The following PZP variants were observed in gnomAD, a reference collection of about 807,000 sequenced individuals.
PZP encodes the protein PZP alpha-2-macroglobulin like.
In PZP, 150 loss-of-function variants were observed where a neutral mutation model predicts 179.8. The ratio of observed to expected loss-of-function variants is 0.83; its 90% CI spans 0.73 to 0.96. PZP has a LOEUF of 0.96. Among genes scored for constraint, PZP ranks in the 40% least tolerant of loss-of-function variants. PZP has a pLI of 0.00. For synonymous variants in PZP, 624 were observed against 652.3 expected, an observed-to-expected ratio of 0.96 and a Z score of 0.66; for missense variants, 1,689 against 1,764.0, an observed-to-expected ratio of 0.96 and a Z score of 0.76.
chr12:9,168,073 A>G (rs1193398160), intron 17 of PZP, among the ~76,000 whole-genome samples: 3 of 152,264 alleles, frequency 2.0e-5, no homozygotes, highest in Non-Finnish European at 4.4e-5. Flanking sequence ...GCCAAGGAAC[A>G]TAGAAAATGC....
the PZP span, among the ~76,000 whole-genome samples, chr12:9,143,047 G>A: frequency 6.6e-6 from 1 of 152,184 alleles, no homozygotes; most frequent in Non-Finnish European, 1.5e-5. Flanking sequence ...AAAGGCCTTT[G>A]AATATACTCA....
chr12:9,154,511 T>C, intron 29 of PZP, 105 bp downstream of exon 29: 1 of 1,105,292 alleles, frequency 9.0e-7, no homozygotes, highest in Non-Finnish European at 1.3e-6. Flanking sequence ...AAATACTTCT[T>C]CAATGATTTA....
Position 9,153,299 on chromosome 12 carries a change from G to A in PZP, c.3819C>T (p.Ala1273=), listed in dbSNP as rs747904705. 6.2e-7 allele frequency: 1 copy of A among 1,614,144 alleles called. No homozygotes were observed. The highest frequency in any genetic ancestry group is 8.5e-7 in the Non-Finnish European group (1 of 1,180,016). The change falls in exon 30 of 36, where the codon GCC becomes GCT. Residue 1273 remains alanine, a synonymous_variant. Transcript: ENST00000261336. ...CAGTTTTCTCAGTTCTGGTGAAAGT[G>A]GCTGCTCCATACCTGGACAGGGCAT... ...ALHALSRYGA[A]TFTRTEKTAQ... is the part of the protein sequence containing the mutation.
rs769687240 is a variant in PZP at position 9,196,345 on chromosome 12, G to A, written c.1077C>T (p.Ile359=). 8 of 1,609,886 alleles carry A rather than the reference G, an allele frequency of 5.0e-6. No homozygotes were observed. The South Asian group carries it at 7.7e-5, about 15-fold the overall frequency. Residue 359 remains isoleucine (I), a synonymous_variant, in exon 10 of 36, where the codon ATC becomes ATT. Transcript: ENST00000261336. ...CATATCTTACCTGTGCAAAAAAGGG[G>A]ATTCCTTGTCTAAAGTGTGAATCCA... ...VKVDSHFRQG[I]PFFAQVLLVD...
intron 11 of PZP, among the ~76,000 whole-genome samples, chr12:9,193,383 TA>T (rs1191674021): frequency 1.3e-5 from 2 of 152,162 alleles, no homozygotes; most frequent in African/African-American, 4.8e-5. Flanking sequence ...AGTTCCTATT[TA>T]AAAAAACCTT....
intron 13 of PZP, among the ~76,000 whole-genome samples, chr12:9,188,604 G>A (rs1040847202): frequency 2.6e-5 from 4 of 152,180 alleles, no homozygotes; most frequent in Admixed American, 2.6e-4. Flanking sequence ...CAGACGACAT[G>A]ATTTTATATC....
At chr12:9,189,938 T>C (rs924446941) in intron 13 of PZP, among the ~76,000 whole-genome samples, 1 of 152,020 alleles carries the variant, frequency 6.6e-6, no homozygotes, top group East Asian at 1.9e-4. Flanking sequence ...AAAACCACAA[T>C]GAGATTATCA....
intron 15 of PZP, among the ~76,000 whole-genome samples, chr12:9,179,925 A>G (rs1208186494): frequency 6.6e-6 from 1 of 152,222 alleles, no homozygotes; most frequent in Non-Finnish European, 1.5e-5. Flanking sequence ...TCAAAATCAC[A>G]TCTCAGCTTG....
chr12:9,207,942 A>G (rs893694640), intron 1 of PZP, among the ~76,000 whole-genome samples: 2 of 152,208 alleles, frequency 1.3e-5, no homozygotes, highest in Admixed American at 6.5e-5. Flanking sequence ...GCACTTCACT[A>G]TATATTTCGA....
chr12:9,185,276 C>T (rs767744348), intron 13 of PZP, among the ~76,000 whole-genome samples: 2 of 152,136 alleles, frequency 1.3e-5, no homozygotes, highest in Non-Finnish European at 2.9e-5. Context: ...ACAAGAATTT[C>T]GTAATGCAAT....
In PZP at chr12:9,152,822, A is replaced by G. The variant is rs1400068512; in HGVS notation, c.4121+2T>C. The G allele has an allele frequency of 2.5e-6, 4 of 1,613,918 alleles. No homozygotes were observed. Among genetic ancestry groups the G allele is most frequent in the Admixed American group, 1.7e-5 (1 of 59,990 alleles). On this transcript the variant is annotated splice_donor_variant, in intron 31 of 35. Coordinates refer to ENST00000261336, the MANE Select transcript of PZP (RefSeq NM_002864.3). LOFTEE classifies it high-confidence loss of function. ...ATAGGTGATTAGGTTAGAACGTCTT[A>G]CCTGATGGTCAGTGAGATCTGAAAG...
chr12:9,205,918 C>T (rs760906745), intron 1 of PZP, among the ~76,000 whole-genome samples: 13 of 152,116 alleles, frequency 8.5e-5, no homozygotes, highest in Non-Finnish European at 1.6e-4. Flanking sequence ...CTCCAGCACA[C>T]CAGTCTTGCT....
intron 17 of PZP, among the ~76,000 whole-genome samples, chr12:9,168,075 A>G (rs962970068): frequency 1.3e-5 from 2 of 152,246 alleles, no homozygotes; most frequent in Non-Finnish European, 2.9e-5. Context: ...CAAGGAACAT[A>G]GAAAATGCTA....
the PZP span, among the ~76,000 whole-genome samples, chr12:9,136,884 CT>C: frequency 3.3e-5 from 5 of 152,020 alleles, no homozygotes; most frequent in African/African-American, 1.2e-4. Flanking sequence ...AGTTTTTTTG[CT>C]GTTGAGTTGA....
At chr12:9,196,815 T>G in intron 8 of PZP, 130 bp from the exon 9 acceptor site, 1 of 807,932 alleles carries the variant, frequency 1.2e-6, no homozygotes, top group South Asian at 1.6e-5. Flanking sequence ...CTTCGAGAAC[T>G]TAATACTCAT....
At chr12:9,151,406 T>A (rs768818081) in intron 33 of PZP, among the ~76,000 whole-genome samples, 198 bp downstream of exon 33, 1 of 152,358 alleles carries the variant, frequency 6.6e-6, no homozygotes, top group African/African-American at 2.4e-5. Flanking sequence ...ATATTCCAAT[T>A]TTAACACAAT....
At chr12:9,152,181 A>T (rs1940405733) in intron 32 of PZP, 39 bp downstream of exon 32, 1 of 1,384,454 alleles carries the variant, frequency 7.2e-7, no homozygotes, top group Non-Finnish European at 1.0e-6. Context: ...TACAGAACAT[A>T]CTTTTGTATG....
rs1369301243 is a variant in PZP, at chr12:9,182,233, AT to A, written c.1547-117del. The A allele has an allele frequency of 7.3e-6, 7 of 962,270 alleles. No individual in the cohort carries two copies. The African/African-American group carries it at 1.2e-4, about 16-fold the overall frequency. The allele number at this position is 962,270 out of a possible 1,614,324, so 59.6% of individuals were successfully genotyped here. ...ATCCACTTGAGAACTGCGTCCATTC[AT>A]TCTAATGGCTTAGTCTCTCTATGTG... On this transcript the variant is annotated intron_variant, in intron 13 of 35. Coordinates refer to ENST00000261336, the MANE Select transcript of PZP (RefSeq NM_002864.3).
At chr12:9,176,532 C>T (rs1942374078) in intron 15 of PZP, among the ~76,000 whole-genome samples, 1 of 152,208 alleles carries the variant, frequency 6.6e-6, no homozygotes, top group Non-Finnish European at 1.5e-5. Context: ...CACATAGGCA[C>T]ATAAATGAAC....
Sources: gnomAD v4.1 joint callset for allele counts (sites outside exome capture counted in the v4.1 genomes callset) on GRCh38, gnomAD v4.1.1 for gene constraint, MANE v1.5 for transcripts, NCBI Gene and HGNC (gene_info 2026-07-23, HGNC 2026-07-21) for gene names.